The following NCEH1 variants were observed in gnomAD, a reference collection of about 807,000 sequenced individuals.
NCEH1 encodes neutral cholesterol ester hydrolase 1.
In NCEH1, 9 loss-of-function variants were observed where a neutral mutation model predicts 25.4. The ratio of observed to expected loss-of-function variants is 0.35; its 90% CI spans 0.21 to 0.62. The LOEUF (loss-of-function observed/expected upper bound fraction) is 0.62, where lower values mean the gene tolerates loss of function less well. NCEH1 is among the 20% of genes least tolerant of loss of function. The pLI is 0.72. For synonymous variants in NCEH1, 200 were observed against 199.8 expected (o/e 1.00, Z -0.01); for missense variants, 412 against 501.1 (o/e 0.82, Z 1.70).
At chr3:172,697,091 A>AT (rs774616762) in intron 1 of NCEH1, among the ~76,000 whole-genome samples, 19,896 of 144,442 alleles carry the variant, frequency 0.14, 1,437 homozygotes, top group Non-Finnish European at 0.17. Flanking sequence ...TGCCCAGCTA[A>AT]TTTTTTTTTT....
chr3:172,686,285 A>G (rs760625637), intron 1 of NCEH1, among the ~76,000 whole-genome samples: 2 of 152,198 alleles, frequency 1.3e-5, no homozygotes, highest in Non-Finnish European at 2.9e-5. Flanking sequence ...GCTGAGTCCC[A>G]GCCCAGAGCA....
At chr3:172,710,033 T>C (rs1187970835) in intron 1 of NCEH1, among the ~76,000 whole-genome samples, 1 of 152,184 alleles carries the variant, frequency 6.6e-6, no homozygotes, top group Non-Finnish European at 1.5e-5. Context: ...GAGACAGTTA[T>C]ATTTTCCTGT....
chr3:172,666,600 C>T (rs1418632125), intron 1 of NCEH1, among the ~76,000 whole-genome samples: 1 of 152,124 alleles, frequency 6.6e-6, no homozygotes. Flanking sequence ...TAAACTGGTG[C>T]GAGACCAAGG....
At chr3:172,653,522 A>C (rs533205834) in intron 1 of NCEH1, among the ~76,000 whole-genome samples, 1 of 152,258 alleles carries the variant, frequency 6.6e-6, no homozygotes, top group Admixed American at 6.5e-5. Flanking sequence ...TAGTTAGCTA[A>C]GCAGTAAGTG....
intron 1 of NCEH1, among the ~76,000 whole-genome samples, chr3:172,697,033 C>A: frequency 6.6e-6 from 1 of 152,002 alleles, no homozygotes; most frequent in South Asian, 2.1e-4. Flanking sequence ...TCAAGCGATT[C>A]TCATGCCTCA....
chr3:172,635,815 AC>A, intron 4 of NCEH1, 100 bp downstream of exon 4: 1 of 1,117,476 alleles, frequency 8.9e-7, no homozygotes, highest in Non-Finnish European at 1.3e-6. Flanking sequence ...TGACCGGCCC[AC>A]CCAGCTATGC....
intron 1 of NCEH1, among the ~76,000 whole-genome samples, chr3:172,702,569 T>C (rs533825573): frequency 6.6e-6 from 1 of 152,358 alleles, no homozygotes; most frequent in African/African-American, 2.4e-5. Context: ...CTCCTTAATA[T>C]TTAATATGTG....
chr3:172,696,951 A>T (rs1221768009), intron 1 of NCEH1, among the ~76,000 whole-genome samples: 1 of 152,030 alleles, frequency 6.6e-6, no homozygotes. Flanking sequence ...TTTGACAGAG[A>T]GTCTCACTCT....
rs1257860845 is a variant in NCEH1, at chr3:172,630,255, G to A, written c.*3220C>T. On this transcript the variant is annotated 3_prime_UTR_variant, in exon 5 of 5. Coordinates refer to ENST00000475381, the MANE Select transcript of NCEH1 (RefSeq NM_020792.6). ...TAAACTAAGCATAATAAACTCAAGT[G>A]TGAAATTAGATTTATTTGTAATGAC... The A allele has an allele frequency of 6.6e-6, 1 of 152,242 alleles. No homozygotes were observed. The highest frequency in any genetic ancestry group is 2.4e-5 in the African/African-American group (1 of 41,464). 9.4% of individuals were successfully genotyped at this position (152,242 alleles called of 1,614,324 possible). A position where few individuals can be genotyped will look rare whatever the true frequency, so the allele number is the denominator to read the frequency against.
At chr3:172,696,238 G>C (rs1160971744) in intron 1 of NCEH1, among the ~76,000 whole-genome samples, 3 of 151,952 alleles carry the variant, frequency 2.0e-5, no homozygotes. Context: ...CTAGTCACAG[G>C]TGCTAAAGTC....
intron 1 of NCEH1, among the ~76,000 whole-genome samples, chr3:172,705,766 G>A (rs531826637): frequency 4.6e-5 from 7 of 152,264 alleles, no homozygotes; most frequent in African/African-American, 1.7e-4. Context: ...AGAGGCCAAG[G>A]CTGGTGGATC....
At chr3:172,676,411 G>C (rs1165820130) in intron 1 of NCEH1, among the ~76,000 whole-genome samples, 2 of 152,102 alleles carry the variant, frequency 1.3e-5, no homozygotes, top group African/African-American at 2.4e-5. Context: ...CATGTGTTCA[G>C]AACATCATGG....
At chr3:172,659,665 A>G (rs982099863) in intron 1 of NCEH1, among the ~76,000 whole-genome samples, 6 of 152,198 alleles carry the variant, frequency 3.9e-5, no homozygotes, top group African/African-American at 1.4e-4. Flanking sequence ...TCAAACCTAC[A>G]TCATAAAACT....
intron 1 of NCEH1, chr3:172,680,694 C>T (rs1024593745): frequency 6.6e-6 from 1 of 152,024 alleles, no homozygotes; most frequent in Non-Finnish European, 1.5e-5. Context: ...AGCCACTCTA[C>T]ACCCTTGCAC....
intron 1 of NCEH1, among the ~76,000 whole-genome samples, chr3:172,686,830 A>C (rs940450662): frequency 3.0e-4 from 45 of 152,256 alleles, no homozygotes; most frequent in African/African-American, 9.4e-4. Context: ...TCTCACACCA[A>C]GTTTTCCTAG....
At chr3:172,661,099 G>A (rs906715312) in intron 1 of NCEH1, among the ~76,000 whole-genome samples, 3 of 152,072 alleles carry the variant, frequency 2.0e-5, no homozygotes, top group Non-Finnish European at 4.4e-5. Flanking sequence ...GGGTTTTTAT[G>A]GTTTTAGGTC....
intron 1 of NCEH1, among the ~76,000 whole-genome samples, chr3:172,699,732 G>A (rs1409810471): frequency 6.6e-6 from 1 of 152,118 alleles, no homozygotes; most frequent in Non-Finnish European, 1.5e-5. Context: ...GGGCATGGTG[G>A]TGTATGCCTG....
chr3:172,683,831 G>A (rs759515901), intron 1 of NCEH1, among the ~76,000 whole-genome samples: 2 of 152,208 alleles, frequency 1.3e-5, no homozygotes, highest in African/African-American at 2.4e-5. Flanking sequence ...TAGCTTCTTT[G>A]TAGGTTTTGA....
chr3:172,645,332 A>G lies in NCEH1; in HGVS notation c.437+291T>C, dbSNP rs1360325880. 3.3e-5 allele frequency among the ~76,000 whole-genome samples: 5 copies of G among 152,332 alleles called. No individual in the cohort carries two copies. The East Asian group carries it at 7.7e-4, about 23-fold the overall frequency. On this transcript the variant is annotated intron_variant, in intron 3 of 4. Transcript: ENST00000475381. ...TACTACTTTTTAGATTTAAAAAGTT[A>G]TATGTTGCAGGTAACTGATTGCATA...
Sources: gnomAD v4.1 joint callset for allele counts (sites outside exome capture counted in the v4.1 genomes callset) on GRCh38, gnomAD v4.1.1 for gene constraint, MANE v1.5 for transcripts, NCBI Gene and HGNC (gene_info 2026-07-23, HGNC 2026-07-21) for gene names.